The following PAPPA2 variants were observed in gnomAD, a reference collection of about 807,000 sequenced individuals.
The protein encoded by PAPPA2 is pappalysin 2.
A neutral mutation model predicts 176.4 loss-of-function variants in PAPPA2; 86 were observed. The observed-to-expected ratio is 0.49, with a 90% CI of 0.41 to 0.58. The LOEUF (loss-of-function observed/expected upper bound fraction) is 0.58, where lower values mean the gene tolerates loss of function less well. PAPPA2 is among the 20% of genes least tolerant of loss of function. PAPPA2 has a pLI of 0.00. For missense variants in PAPPA2, 2,073 were observed against 2,256.9 expected (o/e 0.92, Z 1.65); for synonymous variants, 809 against 852.2 (o/e 0.95, Z 0.88).
At chr1:176,554,994 TGTGTGTGAGA>T (rs994826333) in intron 1 of PAPPA2, among the ~76,000 whole-genome samples, 5 of 106,000 alleles carry the variant, frequency 4.7e-5, no homozygotes, top group African/African-American at 1.2e-4. Context: ...TGTGTGTGTG[TGTGTGTGAGA>T]GAGAGAGAGA....
Position 176,670,959 on chromosome 1 carries a change from A to G in PAPPA2, c.1992-11A>G, listed in dbSNP as rs769674685. On this transcript the variant is annotated splice_polypyrimidine_tract_variant and intron_variant, in intron 3 of 22. Transcript: ENST00000367662. ...TTGCTGTGACATTTTTTCATCTTGCATGCTCTCTAGGGCATACATGAGTGT... is the reference window on the plus strand; with the variant it reads ...TTGCTGTGACATTTTTTCATCTTGCGTGCTCTCTAGGGCATACATGAGTGT... 12 of 1,613,048 alleles carry G rather than the reference A, an allele frequency of 7.4e-6. No individual in the cohort carries two copies. The highest frequency in any genetic ancestry group is 3.3e-5 in the Admixed American group (2 of 59,890).
rs556891968 is a variant in PAPPA2, at chr1:176,519,724, T to C, written c.-916-35683T>C. Among the ~76,000 whole-genome samples, 8 of 152,308 alleles carry C rather than the reference T, an allele frequency of 5.3e-5. No individual in the cohort carries two copies. The South Asian group carries it at 1.4e-3, about 28-fold the overall frequency. On this transcript the variant is annotated intron_variant, in intron 1 of 22. Coordinates refer to ENST00000367662, the MANE Select transcript of PAPPA2 (RefSeq NM_020318.3). ...CACATAATTAATCACAACTAATCAA[T>C]AGAAGCCAAGATATGGTGATTTATC...
At chr1:176,795,051 CA>C (rs1438320056) in intron 20 of PAPPA2, among the ~76,000 whole-genome samples, 1 of 152,158 alleles carries the variant, frequency 6.6e-6, no homozygotes, top group Non-Finnish European at 1.5e-5. Context: ...CTCATGTGCC[CA>C]GATCAAAGGC....
chr1:176,561,767 G>A (rs1052794013), intron 2 of PAPPA2, among the ~76,000 whole-genome samples: 26 of 152,132 alleles, frequency 1.7e-4, no homozygotes, highest in African/African-American at 2.4e-4. Context: ...GTTCAGAGCT[G>A]TATTAGTCTG....
At chr1:176,773,663 A>G (rs2102916359) in intron 17 of PAPPA2, among the ~76,000 whole-genome samples, 1 of 152,324 alleles carries the variant, frequency 6.6e-6, no homozygotes, top group Non-Finnish European at 1.5e-5. Flanking sequence ...TTGAGGCTGA[A>G]TGTCAGGTAA....
rs187311440 is a variant in PAPPA2 at position 176,517,264 on chromosome 1, G to A, written c.-916-38143G>A. On this transcript the variant is annotated intron_variant, in intron 1 of 22. Coordinates refer to ENST00000367662, the MANE Select transcript of PAPPA2 (RefSeq NM_020318.3). Reference sequence around the variant, plus strand: ...TCAATCTGCTAAAAGACAGCAAATCGGGAATGGCAGGTGGAAGGAGGAAAG... The same window carrying A: ...TCAATCTGCTAAAAGACAGCAAATCAGGAATGGCAGGTGGAAGGAGGAAAG... 9.5e-4 allele frequency among the ~76,000 whole-genome samples: 145 copies of A among 152,210 alleles called. 1 individual carries two copies. Among genetic ancestry groups the A allele is most frequent in the Non-Finnish European group, 1.8e-3 (123 of 68,002 alleles).
In PAPPA2 at chr1:176,711,843, A is replaced by G. The variant is rs1661160052; in HGVS notation, c.3660A>G (p.Thr1220=). ...VTGEPHSLIC[T]SYHPDLPNHR... ...TTGAAATTGTATTTCAGATTTGCAC[A>G]TCATACCATCCAGATTTACCCAACC... Residue 1220 remains threonine (T), a synonymous_variant, in exon 12 of 23, where the codon ACA becomes ACG. Transcript: ENST00000367662. The G allele has an allele frequency of 6.2e-7, 1 of 1,606,040 alleles. No individual in the cohort carries two copies. The highest frequency in any genetic ancestry group is 1.7e-4 in the Middle Eastern group (1 of 6,044).
At chr1:176,589,996 G>A (rs113518658) in intron 2 of PAPPA2, among the ~76,000 whole-genome samples, 1 of 152,276 alleles carries the variant, frequency 6.6e-6, no homozygotes, top group African/African-American at 2.4e-5. Flanking sequence ...ACCTGTGCAG[G>A]CTACTCTATG....
intron 1 of PAPPA2, among the ~76,000 whole-genome samples, chr1:176,494,986 T>C (rs1268013981): frequency 6.6e-6 from 1 of 152,168 alleles, no homozygotes; most frequent in Non-Finnish European, 1.5e-5. Context: ...TACTCTTTGA[T>C]TTTTACACTT....
At chr1:176,737,124 G>C (rs187645187) in intron 12 of PAPPA2, among the ~76,000 whole-genome samples, 2 of 151,344 alleles carry the variant, frequency 1.3e-5, no homozygotes, top group African/African-American at 4.9e-5. Context: ...AAATAATAGT[G>C]ACCATTCTAT....
chr1:176,806,105 C>A (rs1665896458), intron 21 of PAPPA2, among the ~76,000 whole-genome samples: 1 of 151,772 alleles, frequency 6.6e-6, no homozygotes, highest in Non-Finnish European at 1.5e-5. Context: ...CTTGGGGCTA[C>A]CAATGCAACT....
At position 176,580,757 on chromosome 1, in the gene PAPPA2, T is replaced by A. The variant is rs191907764; in HGVS notation, c.920-13767T>A. Among the ~76,000 whole-genome samples, 132 of 152,328 alleles carry A rather than the reference T, an allele frequency of 8.7e-4. 1 individual carries two copies. The highest frequency in any genetic ancestry group is 2.9e-3 in the African/African-American group (121 of 41,588). Reference sequence around the variant, plus strand: ...TAATGTTGAGCAGTGTTTCATATATTTGTTGGCTATTGTATGTCTTCTTTT... The same window carrying A: ...TAATGTTGAGCAGTGTTTCATATATATGTTGGCTATTGTATGTCTTCTTTT... On this transcript the variant is annotated intron_variant, in intron 2 of 22. Coordinates refer to ENST00000367662, the MANE Select transcript of PAPPA2 (RefSeq NM_020318.3).
chr1:176,672,585 AAG>A (rs1659073457), intron 4 of PAPPA2, among the ~76,000 whole-genome samples: 1 of 152,140 alleles, frequency 6.6e-6, no homozygotes, highest in South Asian at 2.1e-4. Context: ...CAAAAAAAAA[AAG>A]AAAAGATTGC....
At chr1:176,777,878 CA>C (rs1385559908) in intron 17 of PAPPA2, among the ~76,000 whole-genome samples, 2 of 151,778 alleles carry the variant, frequency 1.3e-5, no homozygotes, top group African/African-American at 4.8e-5. Context: ...TAATTTCTAC[CA>C]GGTTAATGGC....
rs189828222 is a variant in PAPPA2 at position 176,824,556 on chromosome 1, A to T, written c.5203-15617A>T. On this transcript the variant is annotated intron_variant, in intron 21 of 22. Transcript: ENST00000367662. ...AATTTATTTTTTAATTAGAGAAACCAAGTAGTAAATTGAATATGCATTATC... is the reference window on the plus strand; with the variant it reads ...AATTTATTTTTTAATTAGAGAAACCTAGTAGTAAATTGAATATGCATTATC... Among the ~76,000 whole-genome samples the T allele has an allele frequency of 3.7e-4, 57 of 152,326 alleles. 1 individual carries two copies. Among genetic ancestry groups the T allele is most frequent in the Middle Eastern group, 6.8e-3 (2 of 294 alleles).
intron 1 of PAPPA2, among the ~76,000 whole-genome samples, chr1:176,503,774 T>G (rs1297821184): frequency 6.6e-6 from 1 of 152,168 alleles, no homozygotes; most frequent in Non-Finnish European, 1.5e-5. Context: ...GAAAGTCAAG[T>G]TCCATGCTCA....
chr1:176,493,637 G>A (rs1647421863), intron 1 of PAPPA2, among the ~76,000 whole-genome samples: 1 of 152,116 alleles, frequency 6.6e-6, no homozygotes, highest in South Asian at 2.1e-4. Context: ...AGGAGGAAAG[G>A]GCTGGATTGG....
intron 12 of PAPPA2, among the ~76,000 whole-genome samples, chr1:176,738,923 C>G (rs1662541909): frequency 6.6e-6 from 1 of 152,042 alleles, no homozygotes; most frequent in African/African-American, 2.4e-5. Context: ...GTTAATCACC[C>G]TAACCATCTA....
intron 15 of PAPPA2, among the ~76,000 whole-genome samples, chr1:176,767,091 C>T (rs1000116377): frequency 2.0e-5 from 3 of 152,030 alleles, no homozygotes; most frequent in Admixed American, 6.5e-5. Flanking sequence ...GAAGCTTTAG[C>T]CAGGAAGGCA....
Sources: allele counts gnomAD v4.1 joint callset (sites outside exome capture counted in the v4.1 genomes callset), GRCh38; gene constraint gnomAD v4.1.1; transcripts MANE v1.5; gene names NCBI Gene and HGNC (gene_info 2026-07-23, HGNC 2026-07-21).